PRDM13: variants seen among roughly 807,000 people sequenced by gnomAD.
PRDM13 encodes the protein PR domain zinc finger protein 13.
PRDM13 carries 15 observed loss-of-function variants against 36.4 expected under a neutral mutation model. The observed-to-expected ratio is 0.41, with a 90% CI of 0.28 to 0.64. PRDM13 has a LOEUF of 0.64. Ranked by LOEUF, PRDM13 falls within the 30% of genes least tolerant of loss-of-function variation. The pLI is 0.29. For missense variants in PRDM13, 1,044 were observed against 1,013.5 expected (o/e 1.03, Z -0.41); for synonymous variants, 531 against 467.7 (o/e 1.14, Z -1.75).
rs770390521 is a variant in PRDM13, at chr6:99,607,019, G to A, written c.-16G>A. 5.0e-6 allele frequency: 8 copies of A among 1,602,434 alleles called. No individual in the cohort carries two copies. Among genetic ancestry groups the A allele is most frequent in the Middle Eastern group, 1.7e-4 (1 of 5,868 alleles). ...ACCTGGAGCACCCGAGCGCCTGCCT[G>A]GTGGCGGCGGCAACAATGCACGGAG... On this transcript the variant is annotated 5_prime_UTR_variant, in exon 1 of 4. It introduces an in-frame stop codon into an upstream open reading frame of the 5' UTR. Coordinates refer to ENST00000369215, the MANE Select transcript of PRDM13 (RefSeq NM_021620.4).
intron 3 of PRDM13, among the ~76,000 whole-genome samples, chr6:99,611,768 T>C (rs149999390): frequency 1.2e-3 from 181 of 152,336 alleles, no homozygotes; most frequent in African/African-American, 4.2e-3. Context: ...AGGGAGAATT[T>C]AACTTTCCTG....
In PRDM13 at chr6:99,614,004, G is replaced by A. The variant is rs1021792392; in HGVS notation, c.1369G>A (p.Ala457Thr). ...GGGTGGTGAGTGCAGCCACCTGCCC[G>A]CCGTCATGCCGGCCTTTACAGTCTA... is the stretch of plus-strand genomic sequence containing the variant. Reference protein sequence around the residue: ...YPGGECSHLPAVMPAFTVYNG... With the variant: ...YPGGECSHLPTVMPAFTVYNG... Residue 457 changes from alanine to threonine, a missense_variant, in exon 4 of 4, where the codon GCC (alanine) becomes ACC (threonine). By Grantham distance (58) the Ala-to-Thr change is moderately conservative. This residue lies in a region of PRDM13 where 921 missense variants were observed against 865.2 expected (regional missense o/e 1.06). Transcript: ENST00000369215. 2 of 1,609,680 alleles carry A rather than the reference G, an allele frequency of 1.2e-6. No homozygotes were observed. Among genetic ancestry groups the A allele is most frequent in the African/African-American group, 1.3e-5 (1 of 74,578 alleles).
chr6:99,611,627 G>A (rs556683825), intron 3 of PRDM13, among the ~76,000 whole-genome samples: 1 of 152,276 alleles, frequency 6.6e-6, no homozygotes, highest in South Asian at 2.1e-4. Context: ...GTCTTATGGG[G>A]TAGGGGTGGG....
chr6:99,612,925 C>T, intron 3 of PRDM13, 108 bp from the exon 4 acceptor site: 1 of 1,523,598 alleles, frequency 6.6e-7, no homozygotes, highest in Non-Finnish European at 8.8e-7. Context: ...CACCCTCTCC[C>T]CACACCGCTA....
intron 3 of PRDM13, among the ~76,000 whole-genome samples, chr6:99,609,833 C>A (rs549531769): frequency 1.3e-5 from 2 of 152,134 alleles, no homozygotes; most frequent in Non-Finnish European, 2.9e-5. Flanking sequence ...TTCCAGTGAG[C>A]CGTAATGTTA....
chr6:99,613,259 G>T lies in PRDM13; in HGVS notation c.624G>T (p.Leu208Phe). ...CCGCGCCTTCCCAGGCAGGAACTTT[G>T]CGACCCCACCCCCTGGGCCCGCCAC... ...DFAAPSQAGTLRPHPLGPPPV... is the reference protein window; with the variant it reads ...DFAAPSQAGTFRPHPLGPPPV... The change falls in exon 4 of 4, where the codon TTG becomes TTT. Residue 208 changes from leucine (L) to phenylalanine (F), a missense_variant. Physicochemically the swap from Leu to Phe is conservative, Grantham distance 22 (BLOSUM62 0). Transcript: ENST00000369215. This position sits in a 1 kb window ranked among gnomAD's most constrained non-coding sequence, Gnocchi z 6.1. 1 of 1,607,388 alleles carries T rather than the reference G, an allele frequency of 6.2e-7. No individual in the cohort carries two copies. The highest frequency in any genetic ancestry group is 2.2e-5 in the East Asian group (1 of 44,684).
At chr6:99,607,687 A>G (rs1386977499) in intron 1 of PRDM13, among the ~76,000 whole-genome samples, 4 of 152,116 alleles carry the variant, frequency 2.6e-5, no homozygotes, top group African/African-American at 4.8e-5. Flanking sequence ...ACCTCCTCAG[A>G]TATTTTTTTT....
chr6:99,613,037 G>T lies in PRDM13; in HGVS notation c.402G>T (p.Glu134Asp). 6.2e-7 allele frequency: 1 copy of T among 1,613,606 alleles called. No individual in the cohort carries two copies. Among genetic ancestry groups the T allele is most frequent in the East Asian group, 2.2e-5 (1 of 44,874 alleles). ...TTTCCATTCTTTCTTGCCCAGGGGA[G>T]GAGCGCTACATCTGCTGGTACTGCT... ...TATPTHDEKG[E>D]ERYICWYCWR... The change falls in exon 4 of 4, where the codon GAG (glutamate) becomes GAT (aspartate). Residue 134 changes from glutamate (E) to aspartate (D), a missense_variant. Physicochemically the swap from Glu to Asp is conservative, Grantham distance 45. Around this residue, in one of 3 missense-constraint regions of PRDM13, gnomAD observed 921 missense variants for 865.2 expected, o/e 1.06. Coordinates refer to ENST00000369215, the MANE Select transcript of PRDM13 (RefSeq NM_021620.4). This position sits in a 1 kb window ranked among gnomAD's most constrained non-coding sequence, Gnocchi z 6.1.
chr6:99,609,221 G>A lies in PRDM13; in HGVS notation c.311G>A (p.Gly104Glu). The A allele has an allele frequency of 6.2e-7, 1 of 1,613,532 alleles. No homozygotes were observed. The highest frequency in any genetic ancestry group is 8.5e-7 in the Non-Finnish European group (1 of 1,179,536). The change falls in exon 3 of 4, where the codon GGG becomes GAG. Residue 104 changes from glycine (G) to glutamate (E), a missense_variant. This residue lies in a region of PRDM13 where 921 missense variants were observed against 865.2 expected (regional missense o/e 1.06). Coordinates refer to ENST00000369215, the MANE Select transcript of PRDM13 (RefSeq NM_021620.4). The stretch of plus-strand genomic sequence containing the variant: ...CGAGCATTGCGAGACGTCCAGCCAG[G>A]GGAGGAGCTGACAGTGTGGTATTCT... ...FYRALRDVQPGEELTVWYSNS... is the reference protein window; with the variant it reads ...FYRALRDVQPEEELTVWYSNS...
rs1443398531 is a variant in PRDM13 at position 99,614,715 on chromosome 6, C to T, written c.2080C>T (p.Gln694Ter). Residue 694 changes from glutamine to a stop codon, truncating the protein, a stop_gained, in exon 4 of 4, where the codon CAG becomes TAG. Transcript: ENST00000369215. LOFTEE classifies it high-confidence loss of function. ...CGTGGACGTCTGCTTCACAGACGAC[C>T]AGAGCGACCCCGAGGTTGGGGGCGG... ...SDVDVCFTDD[Q>*]SDPEVGGGGE... The T allele has an allele frequency of 2.5e-6, 4 of 1,592,330 alleles. No homozygotes were observed. Among genetic ancestry groups the T allele is most frequent in the East Asian group, 2.2e-5 (1 of 44,578 alleles).
intron 3 of PRDM13, among the ~76,000 whole-genome samples, chr6:99,610,684 A>C (rs1321894671): frequency 1.3e-5 from 2 of 152,222 alleles, no homozygotes; most frequent in African/African-American, 4.8e-5. Flanking sequence ...ATTATATTAC[A>C]TTCTCTTGTC....
In PRDM13 at chr6:99,613,037, G is replaced by C; in HGVS notation, c.402G>C (p.Glu134Asp). 6.2e-7 allele frequency: 1 copy of C among 1,613,606 alleles called. No homozygotes were observed. Among genetic ancestry groups the C allele is most frequent in the Non-Finnish European group, 8.5e-7 (1 of 1,180,008 alleles). Residue 134 changes from glutamate (E) to aspartate (D), a missense_variant, in exon 4 of 4, where the codon GAG becomes GAC. By Grantham distance (45) the Glu-to-Asp change is conservative. Transcript: ENST00000369215. The surrounding 1 kb of genome is among the most constrained non-coding windows in gnomAD (Gnocchi z 6.1). ...TTTCCATTCTTTCTTGCCCAGGGGA[G>C]GAGCGCTACATCTGCTGGTACTGCT... Reference protein sequence around the residue: ...TATPTHDEKGEERYICWYCWR... With the variant: ...TATPTHDEKGDERYICWYCWR...
In PRDM13 at chr6:99,614,181, G is replaced by C. The variant is rs1050832385; in HGVS notation, c.1546G>C (p.Ala516Pro). 6.2e-7 allele frequency: 1 copy of C among 1,604,282 alleles called. No homozygotes were observed. Among genetic ancestry groups the C allele is most frequent in the Non-Finnish European group, 8.5e-7 (1 of 1,178,032 alleles). Reference protein sequence around the residue: ...ALSPAELGSLASIDREIAMHN... With the variant: ...ALSPAELGSLPSIDREIAMHN... ...AAGCCCCGCCGAGCTGGGGTCGCTG[G>C]CCAGCATCGACCGAGAGATCGCCAT... Residue 516 changes from alanine (A) to proline (P), a missense_variant, in exon 4 of 4, where the codon GCC becomes CCC. Ala to Pro is a conservative substitution (Grantham distance 27). Transcript: ENST00000369215.
intron 1 of PRDM13, 40 bp downstream of exon 1, chr6:99,607,218 C>G: frequency 6.2e-7 from 1 of 1,605,126 alleles, no homozygotes; most frequent in South Asian, 1.1e-5. Flanking sequence ...CCATTCGCCT[C>G]TCAGTGCCCT....
rs752430129 is a variant in PRDM13 at position 99,613,860 on chromosome 6, C to A, written c.1225C>A (p.Pro409Thr). The change falls in exon 4 of 4, where the codon CCG becomes ACG. Residue 409 changes from proline to threonine, a missense_variant. Physicochemically the swap from Pro to Thr is conservative, Grantham distance 38 (BLOSUM62 -1). This residue lies in a region of PRDM13 where 921 missense variants were observed against 865.2 expected (regional missense o/e 1.06). Coordinates refer to ENST00000369215, the MANE Select transcript of PRDM13 (RefSeq NM_021620.4). This position sits in a 1 kb window ranked among gnomAD's most constrained non-coding sequence, Gnocchi z 6.1. ...ASAFKHVERA[P>T]PAAAALPGAR... is the part of the protein sequence containing the mutation. ...CGCCTTCAAGCACGTGGAGCGCGCC[C>A]CGCCCGCAGCCGCCGCGCTGCCAGG... is the stretch of plus-strand genomic sequence containing the variant. 5.4e-5 allele frequency: 81 copies of A among 1,507,302 alleles called. No individual in the cohort carries two copies. Among genetic ancestry groups the A allele is most frequent in the Middle Eastern group, 3.8e-4 (2 of 5,328 alleles). The allele number at this position is 1,507,302 out of a possible 1,614,324, so 93.4% of individuals were successfully genotyped here. A position where few individuals can be genotyped will look rare whatever the true frequency, so the allele number is the denominator to read the frequency against.
intron 3 of PRDM13, among the ~76,000 whole-genome samples, chr6:99,610,515 A>T (rs1770015767): frequency 6.6e-6 from 1 of 152,250 alleles, no homozygotes; most frequent in Admixed American, 6.5e-5. Context: ...AAATCAATAC[A>T]AGTATGTGAA....
intron 3 of PRDM13, among the ~76,000 whole-genome samples, chr6:99,610,342 T>C (rs1314525481): frequency 2.0e-5 from 3 of 152,274 alleles, no homozygotes; most frequent in Non-Finnish European, 4.4e-5. Flanking sequence ...GGAGACTTCC[T>C]TTTCACACAC....
Position 99,613,075 on chromosome 6 carries a change from G to T in PRDM13, c.440G>T (p.Arg147Ile). ...YICWYCWRTF[R>I]YPNSLKAHLR... ...TGCTGGTACTGCTGGAGGACGTTTAGATACCCCAACAGCCTTAAGGCACAC... is the reference window on the plus strand; with the variant it reads ...TGCTGGTACTGCTGGAGGACGTTTATATACCCCAACAGCCTTAAGGCACAC... The change falls in exon 4 of 4, where the codon AGA becomes ATA. Residue 147 changes from arginine (R) to isoleucine (I), a missense_variant. Transcript: ENST00000369215. The surrounding 1 kb of genome is among the most constrained non-coding windows in gnomAD (Gnocchi z 6.1). The T allele has an allele frequency of 6.3e-7, 1 of 1,590,590 alleles. No individual in the cohort carries two copies. Among genetic ancestry groups the T allele is most frequent in the Non-Finnish European group, 8.6e-7 (1 of 1,166,316 alleles).
At position 99,614,926 on chromosome 6, in the gene PRDM13, G is replaced by GA. The variant is rs1770109346; in HGVS notation, c.*170dup. On this transcript the variant is annotated 3_prime_UTR_variant, in exon 4 of 4. Coordinates refer to ENST00000369215, the MANE Select transcript of PRDM13 (RefSeq NM_021620.4). ...AGTGAGAGGTCCCACATCTGGTGCT[G>GA]AAACTCAGAGCAACAGTTCAGAGGT... The GA allele has an allele frequency of 1.9e-5, 18 of 932,888 alleles. No individual in the cohort carries two copies. The South Asian group carries it at 3.2e-4, about 17-fold the overall frequency. 57.8% of individuals were successfully genotyped at this position (932,888 alleles called of 1,614,324 possible).
Sources: allele counts gnomAD v4.1 joint callset (sites outside exome capture counted in the v4.1 genomes callset), GRCh38; gene constraint gnomAD v4.1.1; regional missense constraint gnomAD v4.1.1; non-coding constraint Gnocchi (gnomAD v3.1); transcripts MANE v1.5; gene names NCBI Gene and HGNC (gene_info 2026-07-23, HGNC 2026-07-21).